The following SGO2 variants were observed in gnomAD, a reference collection of about 807,000 sequenced individuals.
SGO2 encodes the protein shugoshin 2.
In SGO2, 68 loss-of-function variants were observed where a neutral mutation model predicts 99.5. That is an observed-to-expected ratio of 0.68 (90% CI 0.56 to 0.84). The LOEUF is 0.84. Ranked by LOEUF, SGO2 falls within the 40% of genes least tolerant of loss-of-function variation. The pLI is 0.00. For synonymous variants in SGO2, 457 were observed against 487.1 expected, an observed-to-expected ratio of 0.94 and a Z score of 0.81; for missense variants, 1,350 against 1,436.7, an observed-to-expected ratio of 0.94 and a Z score of 0.97.
chr2:200,571,185 G>A lies in SGO2; in HGVS notation c.839G>A (p.Trp280Ter), dbSNP rs1372039065. ...VTERKKRGSS[W>*]ESNNLSADTP... ...GAAAGGAAGAAGCGTGGGTCATCTT[G>A]GGAATCAAATAATCTTTCTGCAGAC... Residue 280 changes from tryptophan (W) to a stop codon, truncating the protein, a stop_gained, in exon 7 of 9, where the codon TGG becomes TAG. Coordinates refer to ENST00000357799, the MANE Select transcript of SGO2 (RefSeq NM_152524.6). LOFTEE classifies it high-confidence loss of function. 1 of 1,613,604 alleles carries A rather than the reference G, an allele frequency of 6.2e-7. No homozygotes were observed. The highest frequency in any genetic ancestry group is 8.5e-7 in the Non-Finnish European group (1 of 1,179,668).
At chr2:200,533,226 T>C in intron 2 of SGO2, 118 bp downstream of exon 2, 1 of 1,157,152 alleles carries the variant, frequency 8.6e-7, no homozygotes, top group Non-Finnish European at 1.2e-6. Context: ...TTTTGTTAAC[T>C]GATAACTTTT....
chr2:200,548,061 C>A (rs906080813), intron 5 of SGO2, among the ~76,000 whole-genome samples: 1 of 149,366 alleles, frequency 6.7e-6, no homozygotes, highest in South Asian at 2.1e-4. Flanking sequence ...GCTTTAACAT[C>A]CCACTCTCAG....
Position 200,572,557 on chromosome 2 carries a change from C to A in SGO2, c.2211C>A (p.Tyr737Ter). 6.2e-7 allele frequency: 1 copy of A among 1,611,822 alleles called. No homozygotes were observed. The highest frequency in any genetic ancestry group is 8.5e-7 in the Non-Finnish European group (1 of 1,178,472). ...TAGATAATGACAAAAGTATAGAATA[C>A]ACAGTTAAAAGTCACTCACTCTTTT... The part of the protein sequence containing the change: ...NHLDNDKSIE[Y>*]TVKSHSLFLT... The change falls in exon 7 of 9, where the codon TAC becomes TAA. Residue 737 changes from tyrosine to a stop codon, truncating the protein, a stop_gained. Coordinates refer to ENST00000357799, the MANE Select transcript of SGO2 (RefSeq NM_152524.6). LOFTEE classifies it high-confidence loss of function.
intron 5 of SGO2, among the ~76,000 whole-genome samples, chr2:200,544,692 GATCTATCTATCTATCT>G (rs71022322): frequency 6.9e-6 from 1 of 145,656 alleles, no homozygotes; most frequent in Non-Finnish European, 1.5e-5. Flanking sequence ...TTACTTGGGA[GATCTATCTATCTATCT>G]ATCTATCTAT....
At chr2:200,574,557 A>G (rs17532700) in intron 7 of SGO2, among the ~76,000 whole-genome samples, 46,116 of 151,920 alleles carry the variant, frequency 0.3, 7,396 homozygotes, top group Non-Finnish European at 0.36. Context: ...AATTTTGACT[A>G]GAGGAATCTT....
At chr2:200,582,470 AG>A (rs2106356438) in intron 8 of SGO2, among the ~76,000 whole-genome samples, 1 of 152,260 alleles carries the variant, frequency 6.6e-6, no homozygotes, top group Non-Finnish European at 1.5e-5. Flanking sequence ...GCTCAGCCCC[AG>A]GAAATAACTT....
chr2:200,557,795 T>G (rs2032776519), intron 5 of SGO2, among the ~76,000 whole-genome samples: 1 of 151,796 alleles, frequency 6.6e-6, no homozygotes, highest in South Asian at 2.1e-4. Flanking sequence ...TAGCTTTTCT[T>G]TTATTTGTTT....
At chr2:200,580,114 C>T (rs1469108605) in intron 8 of SGO2, among the ~76,000 whole-genome samples, 1 of 151,954 alleles carries the variant, frequency 6.6e-6, no homozygotes, top group African/African-American at 2.4e-5. Flanking sequence ...GAAAATTAGT[C>T]TGTTTAAGCT....
chr2:200,581,404 A>C (rs1205053090), intron 8 of SGO2, among the ~76,000 whole-genome samples: 1 of 152,092 alleles, frequency 6.6e-6, no homozygotes, highest in Admixed American at 6.5e-5. Flanking sequence ...TGCTATGTAA[A>C]TATCATGATT....
At position 200,573,249 on chromosome 2, in the gene SGO2, A is replaced by T. The variant is rs2033522425; in HGVS notation, c.2903A>T (p.Asn968Ile). The T allele has an allele frequency of 6.3e-7, 1 of 1,593,544 alleles. No homozygotes were observed. Among genetic ancestry groups the T allele is most frequent in the Non-Finnish European group, 8.5e-7 (1 of 1,174,432 alleles). The change falls in exon 7 of 9, where the codon AAT becomes ATT. Residue 968 changes from asparagine (N) to isoleucine (I), a missense_variant. Coordinates refer to ENST00000357799, the MANE Select transcript of SGO2 (RefSeq NM_152524.6). ...INKHYMEVNS[N>I]EKESCDQILD... is the part of the protein sequence containing the mutation. ...AAACACTATATGGAAGTCAACAGTA[A>T]TGAAAAGGAAAGTTGTGATCAAATT...
At chr2:200,537,989 G>T (rs533942268) in intron 4 of SGO2, among the ~76,000 whole-genome samples, 9 of 152,170 alleles carry the variant, frequency 5.9e-5, no homozygotes, top group Admixed American at 3.3e-4. Context: ...AATTCTACCA[G>T]TTCTCACAAT....
At chr2:200,551,564 T>A (rs995750979) in intron 5 of SGO2, among the ~76,000 whole-genome samples, 6 of 152,182 alleles carry the variant, frequency 3.9e-5, no homozygotes, top group Admixed American at 1.3e-4. Context: ...TACATTTTTT[T>A]AAAAGGAATA....
intron 3 of SGO2, among the ~76,000 whole-genome samples, chr2:200,535,421 C>T (rs2031647188): frequency 6.6e-6 from 1 of 152,110 alleles, no homozygotes; most frequent in African/African-American, 2.4e-5. Flanking sequence ...CATTCGATTG[C>T]TAATCATAAA....
rs397987331 is a variant in SGO2 at position 200,570,510 on chromosome 2, G to GT, written c.704-540_704-539insT. Reference sequence around the variant, plus strand: ...TGTGTGTGTGTGTGTGTGTGTGTGTGGGCATATGTATATGTATATAATATA... The same window carrying GT: ...TGTGTGTGTGTGTGTGTGTGTGTGTGTGGCATATGTATATGTATATAATATA... On this transcript the variant is annotated intron_variant, in intron 6 of 8. Coordinates refer to ENST00000357799, the MANE Select transcript of SGO2 (RefSeq NM_152524.6). The surrounding 1 kb of genome is among the most constrained non-coding windows in gnomAD (Gnocchi z 4.4). 9.6e-4 allele frequency among the ~76,000 whole-genome samples: 143 copies of GT among 148,476 alleles called. No individual in the cohort carries two copies. Among genetic ancestry groups the GT allele is most frequent in the Non-Finnish European group, 1.6e-3 (107 of 66,864 alleles).
intron 5 of SGO2, among the ~76,000 whole-genome samples, chr2:200,545,935 ACT>A (rs2032189508): frequency 6.6e-6 from 1 of 152,028 alleles, no homozygotes; most frequent in Admixed American, 6.6e-5. Flanking sequence ...CAGCCCAGAA[ACT>A]CTGCTCTGTA....
intron 8 of SGO2, among the ~76,000 whole-genome samples, chr2:200,579,678 G>A (rs552518792): frequency 5.7e-4 from 86 of 152,152 alleles, no homozygotes; most frequent in Non-Finnish European, 9.4e-4. Context: ...TTCCAGTACC[G>A]AACTAACCTT....
chr2:200,565,643 A>C (rs1195669941), intron 5 of SGO2, among the ~76,000 whole-genome samples: 3 of 152,306 alleles, frequency 2.0e-5, no homozygotes, highest in South Asian at 2.1e-4. Context: ...CCTGGATAAT[A>C]TCCGGAAGAG....
chr2:200,570,019 C>G lies in SGO2; in HGVS notation c.703+127C>G, dbSNP rs2033339924. 2 of 636,422 alleles carry G rather than the reference C, an allele frequency of 3.1e-6. No homozygotes were observed. Among genetic ancestry groups the G allele is most frequent in the Middle Eastern group, 4.2e-4 (1 of 2,370 alleles). 39.4% of individuals were successfully genotyped at this position (636,422 alleles called of 1,614,324 possible). ...TCTTATGTTACCGATTTGCTAACTTCTGCCATTTAAAACTGCTGGTGATAG... is the reference window on the plus strand; with the variant it reads ...TCTTATGTTACCGATTTGCTAACTTGTGCCATTTAAAACTGCTGGTGATAG... On this transcript the variant is annotated intron_variant, in intron 6 of 8. Coordinates refer to ENST00000357799, the MANE Select transcript of SGO2 (RefSeq NM_152524.6). This position sits in a 1 kb window ranked among gnomAD's most constrained non-coding sequence, Gnocchi z 4.4.
chr2:200,576,297 C>T lies in SGO2; in HGVS notation c.3782+836C>T, dbSNP rs1021382699. ...ACAATTTAAACTGTACAATTTAGACCAGATGTGGTGGCTCACACCTGTAAT... is the reference window on the plus strand; with the variant it reads ...ACAATTTAAACTGTACAATTTAGACTAGATGTGGTGGCTCACACCTGTAAT... On this transcript the variant is annotated intron_variant, in intron 8 of 8. Transcript: ENST00000357799. Among the ~76,000 whole-genome samples the T allele has an allele frequency of 4.6e-5, 7 of 151,060 alleles. No individual in the cohort carries two copies. The East Asian group carries it at 1.4e-3, about 29-fold the overall frequency.
Sources: gnomAD v4.1 joint callset for allele counts (sites outside exome capture counted in the v4.1 genomes callset) on GRCh38, gnomAD v4.1.1 for gene constraint, Gnocchi (gnomAD v3.1) non-coding constraint, MANE v1.5 for transcripts, NCBI Gene and HGNC (gene_info 2026-07-23, HGNC 2026-07-21) for gene names.